The following FAM171A1 variants were observed in gnomAD, a reference collection of about 807,000 sequenced individuals.
FAM171A1 encodes family with sequence similarity 171 member A1, also known as protein FAM171A1.
A neutral mutation model predicts 74.9 loss-of-function variants in FAM171A1; 23 were observed. That is an observed-to-expected ratio of 0.31 (90% confidence interval 0.22 to 0.44). The LOEUF (loss-of-function observed/expected upper bound fraction) is 0.44, where lower values mean the gene tolerates loss of function less well. FAM171A1 is among the 20% of genes least tolerant of loss of function. The pLI is 1.00. For synonymous variants in FAM171A1, 527 were observed against 505.7 expected, an observed-to-expected ratio of 1.04 and a Z score of -0.57; for missense variants, 1,162 against 1,159.2, an observed-to-expected ratio of 1.00 and a Z score of -0.03.
chr10:15,351,616 G>A (rs886246985), intron 1 of FAM171A1, among the ~76,000 whole-genome samples: 4 of 148,166 alleles, frequency 2.7e-5, no homozygotes, highest in African/African-American at 9.8e-5. Flanking sequence ...TGGATGCATG[G>A]ATGGATGCAT....
intron 1 of FAM171A1, among the ~76,000 whole-genome samples, chr10:15,330,961 C>A (rs1835623438): frequency 6.6e-6 from 1 of 151,908 alleles, no homozygotes; most frequent in Admixed American, 6.6e-5. Flanking sequence ...ATGATCTCGG[C>A]TCACTGCAAC....
intron 1 of FAM171A1, among the ~76,000 whole-genome samples, chr10:15,354,478 A>G (rs562128430): frequency 6.6e-6 from 1 of 152,138 alleles, no homozygotes; most frequent in East Asian, 1.9e-4. Context: ...CCTGGGTGAC[A>G]GAGCGAGACC....
At chr10:15,240,625 G>T in intron 5 of FAM171A1, 1 of 806,948 alleles carries the variant, frequency 1.2e-6, no homozygotes, top group Non-Finnish European at 1.5e-6. Context: ...ACTCTCACGG[G>T]GTTTGAAAGA....
chr10:15,352,805 G>C (rs542304563), intron 1 of FAM171A1, among the ~76,000 whole-genome samples: 1 of 152,178 alleles, frequency 6.6e-6, no homozygotes, highest in African/African-American at 2.4e-5. Context: ...GAGGTGAATG[G>C]GCTAAAAGGC....
rs1564632598 is a variant in FAM171A1 at position 15,284,058 on chromosome 10, CG to C, written c.144del (p.Val49Ter). On this transcript the variant is annotated frameshift_variant, in exon 2 of 8. Transcript: ENST00000378116. LOFTEE classifies it high-confidence loss of function. The part of the protein sequence containing the change: ...VHISDASTHQ[P>X]VADALIEIFT... Reference sequence around the variant, plus strand: ...AAGATCTCGATGAGCGCATCTGCTACGGGCTGGTGGGTGCTGGCGTCGCTGA... The same window carrying C: ...AAGATCTCGATGAGCGCATCTGCTACGGCTGGTGGGTGCTGGCGTCGCTGA... 1 of 1,610,328 alleles carries C rather than the reference CG, an allele frequency of 6.2e-7. No homozygotes were observed.
intron 2 of FAM171A1, among the ~76,000 whole-genome samples, chr10:15,282,396 A>G (rs571253998): frequency 1.3e-5 from 2 of 152,330 alleles, no homozygotes; most frequent in East Asian, 3.9e-4. Context: ...AACAATCTAT[A>G]TATCAAATAA....
chr10:15,270,395 G>A (rs918687204), intron 3 of FAM171A1, among the ~76,000 whole-genome samples: 1 of 152,202 alleles, frequency 6.6e-6, no homozygotes, highest in Non-Finnish European at 1.5e-5. Context: ...CGAACTGGGT[G>A]GAGCTCACCA....
chr10:15,266,928 G>A (rs55672392), intron 3 of FAM171A1, among the ~76,000 whole-genome samples: 35,051 of 151,584 alleles, frequency 0.23, 4,197 homozygotes, highest in Non-Finnish European at 0.28. Context: ...AGGCCAGGGA[G>A]TGTGAGTTGG....
Position 15,213,784 on chromosome 10 carries a change from CGAG to C in FAM171A1, c.1801_1803del (p.Leu601del). On this transcript the variant is annotated inframe_deletion, in exon 8 of 8. Coordinates refer to ENST00000378116, the MANE Select transcript of FAM171A1 (RefSeq NM_001010924.2). The surrounding 1 kb of genome is among the most constrained non-coding windows in gnomAD (Gnocchi z 6.8). Reference sequence around the variant, plus strand: ...TCAAGCTGCTGATCAGCCGGGACGACGAGGGGCTGGCTGACATAGGAGTGGTCC... The same window carrying C: ...TCAAGCTGCTGATCAGCCGGGACGACGGGCTGGCTGACATAGGAGTGGTCC... 6.2e-7 allele frequency: 1 copy of C among 1,614,084 alleles called. No homozygotes were observed. The highest frequency in any genetic ancestry group is 1.1e-5 in the South Asian group (1 of 91,072).
intron 1 of FAM171A1, among the ~76,000 whole-genome samples, chr10:15,287,347 C>T (rs1457251499): frequency 2.0e-5 from 3 of 151,450 alleles, no homozygotes; most frequent in Non-Finnish European, 4.4e-5. Context: ...CCACCTCAGC[C>T]TCCCAAAGTG....
intron 5 of FAM171A1, among the ~76,000 whole-genome samples, chr10:15,229,597 TCACCA>T: frequency 9.1e-6 from 1 of 110,110 alleles, no homozygotes; most frequent in South Asian, 3.0e-4. Flanking sequence ...ATCACCATCA[TCACCA>T]TCACCATCAT....
chr10:15,233,546 G>GTGTGTC (rs1429697758), intron 5 of FAM171A1, among the ~76,000 whole-genome samples: 3 of 151,686 alleles, frequency 2.0e-5, no homozygotes, highest in Admixed American at 1.3e-4. Context: ...GTGTGTGTGT[G>GTGTGTC]TGTGTGTGTG....
chr10:15,340,633 G>A (rs1264587310), intron 1 of FAM171A1, among the ~76,000 whole-genome samples: 7 of 152,128 alleles, frequency 4.6e-5, no homozygotes, highest in East Asian at 3.9e-4. Flanking sequence ...GTGGCTATTC[G>A]CAGCCCACTC....
intron 4 of FAM171A1, among the ~76,000 whole-genome samples, chr10:15,249,200 G>A (rs986626233): frequency 1.3e-5 from 2 of 150,852 alleles, no homozygotes; most frequent in South Asian, 2.1e-4. Context: ...GGGTTCAAGC[G>A]ATCCTCCTGC....
rs777331323 is a variant in FAM171A1, at chr10:15,216,106, G to A, written c.876C>T (p.Pro292=). ...VAAMSPPIPG[P]VVTQDITTYH... is the part of the protein sequence containing the mutation. ...ACGTGGTAATGTCCTGTGTTACAACGGGACCTAGAAGGTCAGAAAATGGCA... is the reference window on the plus strand; with the variant it reads ...ACGTGGTAATGTCCTGTGTTACAACAGGACCTAGAAGGTCAGAAAATGGCA... Residue 292 remains proline, a synonymous_variant, in exon 7 of 8, where the codon CCC becomes CCT. Coordinates refer to ENST00000378116, the MANE Select transcript of FAM171A1 (RefSeq NM_001010924.2). The A allele has an allele frequency of 3.2e-6, 5 of 1,584,290 alleles. No homozygotes were observed. The highest frequency in any genetic ancestry group is 2.2e-5 in the East Asian group (1 of 44,606).
intron 1 of FAM171A1, among the ~76,000 whole-genome samples, chr10:15,291,778 A>C (rs1324203996): frequency 6.6e-6 from 1 of 152,090 alleles, no homozygotes; most frequent in Non-Finnish European, 1.5e-5. Context: ...GAGGCCAGGT[A>C]CGGTGAACGT....
chr10:15,216,958 TAAA>T (rs1185566181), intron 6 of FAM171A1, among the ~76,000 whole-genome samples: 1 of 152,112 alleles, frequency 6.6e-6, no homozygotes, highest in Non-Finnish European at 1.5e-5. Context: ...TCCTGTGACT[TAAA>T]AAAGTCAGCA....
intron 1 of FAM171A1, among the ~76,000 whole-genome samples, chr10:15,349,857 A>C (rs1212773277): frequency 1.3e-5 from 2 of 152,158 alleles, no homozygotes; most frequent in African/African-American, 4.8e-5. Flanking sequence ...AGTAAAAGAG[A>C]TCAGCCACAA....
chr10:15,227,339 T>A (rs531164519), intron 5 of FAM171A1, among the ~76,000 whole-genome samples: 1 of 152,216 alleles, frequency 6.6e-6, no homozygotes, highest in South Asian at 2.1e-4. Context: ...AGTATTGTTT[T>A]CTTCCACACC....
Sources: allele counts gnomAD v4.1 joint callset (sites outside exome capture counted in the v4.1 genomes callset), GRCh38; gene constraint gnomAD v4.1.1; non-coding constraint Gnocchi (gnomAD v3.1); transcripts MANE v1.5; gene names NCBI Gene and HGNC (gene_info 2026-07-23, HGNC 2026-07-21).